Variants in ROBO2 observed in about 807,000 individuals in gnomAD.
The protein encoded by ROBO2 is roundabout homolog 2.
Under a neutral mutation model 160.8 loss-of-function variants are expected in ROBO2, and 53 were observed. That is an observed-to-expected ratio of 0.33 (90% CI 0.26 to 0.41). The LOEUF is 0.41. Ranked by LOEUF, ROBO2 falls within the 10% of genes least tolerant of loss-of-function variation. The pLI, the probability that ROBO2 is intolerant of heterozygous loss-of-function variation, is 1.00. For missense variants in ROBO2, 1,577 were observed against 1,722.4 expected, an observed-to-expected ratio of 0.92 and a Z score of 1.49; for synonymous variants, 664 against 611.7, an observed-to-expected ratio of 1.09 and a Z score of -1.26.
intron 2 of ROBO2, among the ~76,000 whole-genome samples, chr3:76,759,837 G>T (rs1455373018): frequency 2.0e-5 from 3 of 151,682 alleles, no homozygotes; most frequent in African/African-American, 7.3e-5. Context: ...ATTTGGAGCC[G>T]GTGGGATTCC....
chr3:75,958,008 G>A (rs1948780962), intron 2 of ROBO2, among the ~76,000 whole-genome samples: 1 of 151,528 alleles, frequency 6.6e-6, no homozygotes, highest in African/African-American at 2.4e-5. Context: ...CCTTCATGTG[G>A]AATCTTCAAT....
intron 2 of ROBO2, among the ~76,000 whole-genome samples, chr3:76,068,519 T>C (rs4449327): frequency 0.64 from 97,495 of 151,578 alleles, 31,999 homozygotes; most frequent in African/African-American, 0.78. Context: ...CGCCTCTCAA[T>C]TAATGCAGGA....
At chr3:76,391,995 G>C (rs2077176653) in intron 2 of ROBO2, among the ~76,000 whole-genome samples, 1 of 152,094 alleles carries the variant, frequency 6.6e-6, no homozygotes, top group Admixed American at 6.6e-5. Context: ...TAAGCATTGT[G>C]AATAGAAAAA....
At chr3:77,270,897 T>C (rs2059443736) in intron 2 of ROBO2, among the ~76,000 whole-genome samples, 2 of 151,862 alleles carry the variant, frequency 1.3e-5, no homozygotes, top group African/African-American at 4.8e-5. Flanking sequence ...GAGCCAAGTC[T>C]GTGCCATTGT....
chr3:77,000,201 C>A (rs780306124), intron 2 of ROBO2, among the ~76,000 whole-genome samples: 1 of 152,172 alleles, frequency 6.6e-6, no homozygotes, highest in East Asian at 1.9e-4. Context: ...GAAGTTATTT[C>A]GCTCATGTGC....
At chr3:77,027,890 G>A (rs917296629) in intron 2 of ROBO2, among the ~76,000 whole-genome samples, 2 of 151,942 alleles carry the variant, frequency 1.3e-5, no homozygotes, top group South Asian at 2.1e-4. Flanking sequence ...AAAGTGAAGC[G>A]GGTAGAAAGA....
chr3:77,497,847 A>C (rs2087007340), intron 5 of ROBO2, among the ~76,000 whole-genome samples: 1 of 152,140 alleles, frequency 6.6e-6, no homozygotes, highest in Non-Finnish European at 1.5e-5. Flanking sequence ...TCTGTAAAAA[A>C]GTATCACATG....
At chr3:76,469,777 GT>G (rs1306222054) in intron 2 of ROBO2, among the ~76,000 whole-genome samples, 1 of 151,954 alleles carries the variant, frequency 6.6e-6, no homozygotes, top group African/African-American at 2.4e-5. Context: ...GCTTCTACTG[GT>G]TTCTTTTTCT....
intron 2 of ROBO2, among the ~76,000 whole-genome samples, chr3:76,750,632 G>A (rs1576410546): frequency 6.6e-6 from 1 of 152,212 alleles, no homozygotes; most frequent in East Asian, 1.9e-4. Context: ...AAAATCACAA[G>A]CATTCCTATA....
intron 2 of ROBO2, among the ~76,000 whole-genome samples, chr3:77,186,568 C>A (rs1344111226): frequency 6.6e-6 from 1 of 151,922 alleles, no homozygotes; most frequent in East Asian, 1.9e-4. Context: ...GCACAGAGGG[C>A]AGTCTAGGAC....
At chr3:76,859,880 T>G (rs1447845373) in intron 2 of ROBO2, among the ~76,000 whole-genome samples, 1 of 152,154 alleles carries the variant, frequency 6.6e-6, no homozygotes, top group Non-Finnish European at 1.5e-5. Context: ...ATTGGAACAC[T>G]GAGGAAACCA....
chr3:76,901,540 C>T lies in ROBO2; in HGVS notation c.110-196474C>T, dbSNP rs1423713794. Among the ~76,000 whole-genome samples the T allele has an allele frequency of 6.4e-5, 8 of 125,582 alleles. No individual in the cohort carries two copies. In the Admixed American group the frequency reaches 7.8e-4, roughly 12 times the overall value. 82.4% of individuals were successfully genotyped at this position (125,582 alleles called of 152,430 possible). ...CTGAGATCGCACCATTGTACTCCAT[C>T]CTGGGCAACAAGAGCAAAATTTCAT... On this transcript the variant is annotated intron_variant, in intron 2 of 26. Transcript: ENST00000487694.
At chr3:76,007,222 A>G (rs2066047152) in intron 2 of ROBO2, among the ~76,000 whole-genome samples, 1 of 152,088 alleles carries the variant, frequency 6.6e-6, no homozygotes, top group Non-Finnish European at 1.5e-5. Context: ...ATAAGTTAAA[A>G]TAAAAATCAA....
chr3:76,321,265 C>T (rs756895918), intron 2 of ROBO2, among the ~76,000 whole-genome samples: 1 of 152,196 alleles, frequency 6.6e-6, no homozygotes, highest in African/African-American at 2.4e-5. Context: ...CACCTGTAAT[C>T]CCAGACTTTG....
chr3:77,452,294 A>T (rs1031285753), intron 2 of ROBO2, among the ~76,000 whole-genome samples: 1 of 152,212 alleles, frequency 6.6e-6, no homozygotes, highest in African/African-American at 2.4e-5. Flanking sequence ...GGGAAACAGG[A>T]CTGCAAAGAT....
At position 76,811,324 on chromosome 3, in the gene ROBO2, T is replaced by C. The variant is rs138797156; in HGVS notation, c.110-286690T>C. 2.1e-4 allele frequency among the ~76,000 whole-genome samples: 32 copies of C among 152,318 alleles called. No individual in the cohort carries two copies. In the East Asian group the frequency reaches 6.0e-3, roughly 28 times the overall value. On this transcript the variant is annotated intron_variant, in intron 2 of 26. Transcript: ENST00000487694. ...CACAGAATAGTCTCAGATAAATTAT[T>C]ATTTCATGTTTGTTCATTTTTCATT...
At chr3:77,253,925 G>T (rs939931130) in intron 2 of ROBO2, among the ~76,000 whole-genome samples, 13 of 152,102 alleles carry the variant, frequency 8.5e-5, no homozygotes, top group Non-Finnish European at 1.6e-4. Flanking sequence ...AAGAAAAAGG[G>T]TATATCTTGG....
intron 2 of ROBO2, among the ~76,000 whole-genome samples, chr3:76,123,341 A>G (rs968627952): frequency 6.6e-6 from 1 of 152,094 alleles, no homozygotes; most frequent in Non-Finnish European, 1.5e-5. Flanking sequence ...TCATTATTGA[A>G]GGAACAATAT....
rs1455611051 is a variant in ROBO2, at chr3:76,464,606, C to T, written c.109+527004C>T. Reference sequence around the variant, plus strand: ...AAAAAAAAAATAAAAGAGACTTGGACTTAAGAATTTAAAATAACAATAATA... The same window carrying T: ...AAAAAAAAAATAAAAGAGACTTGGATTTAAGAATTTAAAATAACAATAATA... On this transcript the variant is annotated intron_variant, in intron 2 of 26. Transcript: ENST00000487694. Among the ~76,000 whole-genome samples, 4 of 151,996 alleles carry T rather than the reference C, an allele frequency of 2.6e-5. No individual in the cohort carries two copies. In the South Asian group the frequency reaches 6.2e-4, roughly 24 times the overall value.
Sources: allele counts gnomAD v4.1 joint callset (sites outside exome capture counted in the v4.1 genomes callset), GRCh38; gene constraint gnomAD v4.1.1; transcripts MANE v1.5; gene names NCBI Gene and HGNC (gene_info 2026-07-23, HGNC 2026-07-21).